MGMT: variants seen among roughly 807,000 people sequenced by gnomAD.
MGMT encodes the protein methylated-DNA--protein-cysteine methyltransferase.
In MGMT, 14 loss-of-function variants were observed where a neutral mutation model predicts 15.9. That is an observed-to-expected ratio of 0.88 (90% CI 0.58 to 1.37). The LOEUF is 1.37. MGMT is among the 40% of genes most tolerant of loss of function. MGMT has a pLI of 0.00. For synonymous variants in MGMT, 130 were observed against 118.2 expected (o/e 1.10, Z -0.65); for missense variants, 282 against 268.1 (o/e 1.05, Z -0.36).
At chr10:129,474,812 G>T (rs550639208) in intron 1 of MGMT, among the ~76,000 whole-genome samples, 2 of 152,158 alleles carry the variant, frequency 1.3e-5, no homozygotes, top group Non-Finnish European at 2.9e-5. Context: ...GGGCTGGTGC[G>T]GCTGAGTGTG....
intron 1 of MGMT, among the ~76,000 whole-genome samples, chr10:129,513,154 G>A (rs959197426): frequency 2.6e-5 from 4 of 152,150 alleles, no homozygotes; most frequent in Non-Finnish European, 5.9e-5. Context: ...AGTCACAAAA[G>A]GACAAGTACT....
intron 2 of MGMT, among the ~76,000 whole-genome samples, chr10:129,648,407 C>T (rs1179019935): frequency 6.6e-6 from 1 of 151,944 alleles, no homozygotes; most frequent in Non-Finnish European, 1.5e-5. Context: ...TTTAAATGAA[C>T]CCATAATTCA....
At chr10:129,482,116 T>C (rs1321844023) in intron 1 of MGMT, among the ~76,000 whole-genome samples, 1 of 152,210 alleles carries the variant, frequency 6.6e-6, no homozygotes, top group Admixed American at 6.5e-5. Context: ...TGATTCAGAG[T>C]GGCGTATTTC....
At chr10:129,593,945 G>C (rs1846720213) in intron 2 of MGMT, among the ~76,000 whole-genome samples, 1 of 152,212 alleles carries the variant, frequency 6.6e-6, no homozygotes, top group Non-Finnish European at 1.5e-5. Flanking sequence ...GAGGAAATGA[G>C]CCTCGACTTT....
rs371459636 is a variant in MGMT, at chr10:129,651,947, CAG to C, written c.126-55945_126-55944del. Reference sequence around the variant, plus strand: ...TTAGGTGTTCTCTGGGGGCTGGAAACAGAGGCCGGTGGCGTGGTGTGATGTTC... The same window carrying C: ...TTAGGTGTTCTCTGGGGGCTGGAAACAGGCCGGTGGCGTGGTGTGATGTTC... On this transcript the variant is annotated intron_variant, in intron 2 of 4. Coordinates refer to ENST00000651593, the MANE Select transcript of MGMT (RefSeq NM_002412.5). 5.0e-3 allele frequency among the ~76,000 whole-genome samples: 752 copies of C among 150,902 alleles called. 1 individual carries two copies. The highest frequency in any genetic ancestry group is 6.7e-3 in the Non-Finnish European group (459 of 68,024).
intron 2 of MGMT, among the ~76,000 whole-genome samples, chr10:129,587,493 CTTTTTCTTTT>C (rs1846631412): frequency 1.3e-5 from 2 of 149,178 alleles, no homozygotes; most frequent in African/African-American, 5.0e-5. Context: ...CTTAATTTTT[CTTTTTCTTTT>C]TTTTTGAGAT....
intron 2 of MGMT, among the ~76,000 whole-genome samples, chr10:129,699,408 C>A (rs955202071): frequency 2.6e-5 from 4 of 151,832 alleles, no homozygotes; most frequent in African/African-American, 9.7e-5. Flanking sequence ...TGTTTAGGAT[C>A]TGACATTAAT....
At chr10:129,736,642 GT>G (rs1768405541) in intron 3 of MGMT, among the ~76,000 whole-genome samples, 1 of 152,162 alleles carries the variant, frequency 6.6e-6, no homozygotes, top group East Asian at 1.9e-4. Context: ...AGTTGATGCA[GT>G]TTTTTCCTAG....
At chr10:129,690,842 C>T (rs961431276) in intron 2 of MGMT, among the ~76,000 whole-genome samples, 1 of 152,082 alleles carries the variant, frequency 6.6e-6, no homozygotes, top group Non-Finnish European at 1.5e-5. Context: ...CAGGGCTGTG[C>T]CCAGCACTGG....
intron 2 of MGMT, among the ~76,000 whole-genome samples, chr10:129,555,984 C>T (rs901473701): frequency 1.3e-5 from 2 of 152,156 alleles, no homozygotes; most frequent in African/African-American, 4.8e-5. Flanking sequence ...AACGGGGCAC[C>T]CTCCAGGGAG....
chr10:129,557,688 C>T (rs912097217), intron 2 of MGMT, among the ~76,000 whole-genome samples: 9 of 152,238 alleles, frequency 5.9e-5, no homozygotes, highest in African/African-American at 1.9e-4. Context: ...TTAGCTAGAA[C>T]AGGAACCCAT....
chr10:129,617,543 C>T (rs1336694171), intron 2 of MGMT, among the ~76,000 whole-genome samples: 2 of 152,106 alleles, frequency 1.3e-5, no homozygotes, highest in African/African-American at 2.4e-5. Flanking sequence ...TACATTCCCA[C>T]CAAGAGCGTA....
At chr10:129,749,127 A>T (rs188144808) in intron 3 of MGMT, among the ~76,000 whole-genome samples, 35 of 152,274 alleles carry the variant, frequency 2.3e-4, no homozygotes, top group Non-Finnish European at 2.9e-5. Context: ...GATCTCCTAA[A>T]TATTTTGTTG....
intron 1 of MGMT, among the ~76,000 whole-genome samples, chr10:129,522,757 C>T (rs549598082): frequency 8.5e-5 from 13 of 152,236 alleles, no homozygotes; most frequent in African/African-American, 2.4e-4. Context: ...GATGTCTGGA[C>T]GAGGAGAAAG....
chr10:129,657,190 G>C (rs1027148141), intron 2 of MGMT, among the ~76,000 whole-genome samples: 7 of 152,126 alleles, frequency 4.6e-5, no homozygotes, highest in African/African-American at 1.7e-4. Context: ...TGACACAGAC[G>C]ACTGTCCCTT....
chr10:129,584,346 C>T (rs1416193040), intron 2 of MGMT, among the ~76,000 whole-genome samples: 1 of 152,110 alleles, frequency 6.6e-6, no homozygotes, highest in African/African-American at 2.4e-5. Context: ...ACAGGTATCT[C>T]AAATTTTAAT....
chr10:129,593,529 C>T (rs572211910), intron 2 of MGMT, among the ~76,000 whole-genome samples: 22 of 152,350 alleles, frequency 1.4e-4, no homozygotes, highest in African/African-American at 4.6e-4. Flanking sequence ...GGAATTGCTT[C>T]GGATCCTTAG....
chr10:129,589,208 T>A (rs574056587), intron 2 of MGMT, among the ~76,000 whole-genome samples: 1 of 152,364 alleles, frequency 6.6e-6, no homozygotes, highest in Admixed American at 6.5e-5. Flanking sequence ...TGGAGCCTAG[T>A]GCCAACAGGC....
chr10:129,541,635 G>A (rs1254737422), intron 2 of MGMT, among the ~76,000 whole-genome samples: 1 of 151,648 alleles, frequency 6.6e-6, no homozygotes, highest in Non-Finnish European at 1.5e-5. Flanking sequence ...GAGCTAAGGG[G>A]GCTCATCTTT....
Sources: allele counts gnomAD v4.1 joint callset (sites outside exome capture counted in the v4.1 genomes callset), GRCh38; gene constraint gnomAD v4.1.1; transcripts MANE v1.5; gene names NCBI Gene and HGNC (gene_info 2026-07-23, HGNC 2026-07-21).